Variants in TFAP2E observed in about 807,000 individuals in gnomAD.
TFAP2E encodes the protein transcription factor AP-2 epsilon.
A neutral mutation model predicts 37.9 loss-of-function variants in TFAP2E; 30 were observed. That is an observed-to-expected ratio of 0.79 (90% confidence interval 0.59 to 1.07). The LOEUF (loss-of-function observed/expected upper bound fraction) is 1.07. TFAP2E is among the 50% of genes least tolerant of loss of function. TFAP2E has a pLI of 0.00. For synonymous variants in TFAP2E, 318 were observed against 295.8 expected, an observed-to-expected ratio of 1.08 and a Z score of -0.77; for missense variants, 567 against 637.9, an observed-to-expected ratio of 0.89 and a Z score of 1.20.
chr1:35,574,819 C>T (rs1489682040), intron 2 of TFAP2E, 130 bp from the exon 3 acceptor site: 1 of 1,225,414 alleles, frequency 8.2e-7, no homozygotes, highest in Non-Finnish European at 1.2e-6. Flanking sequence ...CTGGGCCTGC[C>T]CGTCGCCGCC....
chr1:35,574,313 G>A lies in TFAP2E; in HGVS notation c.414G>A (p.Arg138=). The part of the protein sequence containing the change: ...PRRDYATAVP[R]LLHGLADGAH... ...GTGACTATGCCACTGCCGTGCCCCG[G>A]CTCCTGCACGGCCTGGCCGACGGCG... Residue 138 remains arginine (R), a synonymous_variant, in exon 2 of 7, where the codon CGG becomes CGA. Transcript: ENST00000373235. 6.9e-7 allele frequency: 1 copy of A among 1,456,062 alleles called. No individual in the cohort carries two copies. The highest frequency in any genetic ancestry group is 1.3e-5 in the South Asian group (1 of 76,640). 90.2% of individuals were successfully genotyped at this position (1,456,062 alleles called of 1,614,324 possible). A position where few individuals can be genotyped will look rare whatever the true frequency, so the allele number is the denominator to read the frequency against.
chr1:35,589,833 C>A, intron 4 of TFAP2E, 97 bp from the exon 5 acceptor site: 2 of 1,246,736 alleles, frequency 1.6e-6, no homozygotes, highest in Non-Finnish European at 2.3e-6. Context: ...TCAACAGGGG[C>A]TGGTGGAGGC....
intron 3 of TFAP2E, among the ~76,000 whole-genome samples, chr1:35,582,638 CT>C (rs879739254): frequency 2.0e-3 from 275 of 139,368 alleles, no homozygotes; most frequent in Admixed American, 1.7e-3. Flanking sequence ...CAACTGCTCT[CT>C]TTTTTTTTTT....
intron 3 of TFAP2E, among the ~76,000 whole-genome samples, chr1:35,576,697 C>G (rs993574420): frequency 6.6e-6 from 1 of 152,216 alleles, no homozygotes; most frequent in African/African-American, 2.4e-5. Flanking sequence ...GAAGCCGAGA[C>G]AGGAGACTGG....
At chr1:35,583,269 C>A (rs182715345) in intron 3 of TFAP2E, among the ~76,000 whole-genome samples, 1 of 152,008 alleles carries the variant, frequency 6.6e-6, no homozygotes, top group Non-Finnish European at 1.5e-5. Flanking sequence ...CCTGAGGTCA[C>A]GAAGATTTTT....
Position 35,575,003 on chromosome 1 carries a change from A to G in TFAP2E, c.562+3A>G. 1.2e-6 allele frequency: 2 copies of G among 1,613,910 alleles called. No homozygotes were observed. The highest frequency in any genetic ancestry group is 2.2e-5 in the South Asian group (2 of 91,088). ...AGACCAGTCCGTGATCAAGAAAGGT[A>G]AGGAATGGTCTGTCAGGGCAGAGCC... On this transcript the variant is annotated splice_donor_region_variant and intron_variant, in intron 3 of 6. Transcript: ENST00000373235.
At chr1:35,589,290 G>C (rs1374222964) in intron 4 of TFAP2E, among the ~76,000 whole-genome samples, 3 of 151,026 alleles carry the variant, frequency 2.0e-5, no homozygotes, top group African/African-American at 7.3e-5. Context: ...CTGTGCCACT[G>C]TGTGGGAGTG....
Position 35,590,903 on chromosome 1 carries a change from A to C in TFAP2E, c.1046+128A>C. 2 of 1,117,400 alleles carry C rather than the reference A, an allele frequency of 1.8e-6. No homozygotes were observed. Among genetic ancestry groups the C allele is most frequent in the Non-Finnish European group, 2.3e-6 (2 of 865,336 alleles). 69.2% of individuals were successfully genotyped at this position (1,117,400 alleles called of 1,614,324 possible). On this transcript the variant is annotated intron_variant, in intron 6 of 6. Coordinates refer to ENST00000373235, the MANE Select transcript of TFAP2E (RefSeq NM_178548.4). The surrounding 1 kb of genome is among the most constrained non-coding windows in gnomAD (Gnocchi z 6.2). Reference sequence around the variant, plus strand: ...CATGCGTATTTGCGCACCACTGTGTACACGAGCAGTGGGCACACACACATA... The same window carrying C: ...CATGCGTATTTGCGCACCACTGTGTCCACGAGCAGTGGGCACACACACATA...
Position 35,573,479 on chromosome 1 carries a change from C to A in TFAP2E, c.-99C>A. 1 of 1,376,652 alleles carries A rather than the reference C, an allele frequency of 7.3e-7. No individual in the cohort carries two copies. The highest frequency in any genetic ancestry group is 2.7e-4 in the Middle Eastern group (1 of 3,656). 85.3% of individuals were successfully genotyped at this position (1,376,652 alleles called of 1,614,324 possible). ...GCACCCAGCTACCGCACCGTGACCTCCGCGGGCTGTGCCGGCTCCCGGCGC... is the reference window on the plus strand; with the variant it reads ...GCACCCAGCTACCGCACCGTGACCTACGCGGGCTGTGCCGGCTCCCGGCGC... On this transcript the variant is annotated 5_prime_UTR_variant, in exon 1 of 7. Transcript: ENST00000373235. The surrounding 1 kb of genome is among the most constrained non-coding windows in gnomAD (Gnocchi z 5.9).
chr1:35,594,688 A>C lies in TFAP2E; in HGVS notation c.*12A>C, dbSNP rs1161742604. On this transcript the variant is annotated 3_prime_UTR_variant, in exon 7 of 7. Coordinates refer to ENST00000373235, the MANE Select transcript of TFAP2E (RefSeq NM_178548.4). ...AGCATCGGAAATAACTGCTTCTCCC[A>C]CCCCATCCCTAAGGGGCTCCCAGGC... 3 of 1,613,266 alleles carry C rather than the reference A, an allele frequency of 1.9e-6. No homozygotes were observed. The highest frequency in any genetic ancestry group is 1.7e-6 in the Non-Finnish European group (2 of 1,180,002).
At chr1:35,587,636 C>CAAAAAAAAAAA (rs553131997) in intron 3 of TFAP2E, among the ~76,000 whole-genome samples, 3 of 51,332 alleles carry the variant, frequency 5.8e-5, no homozygotes, top group Non-Finnish European at 8.5e-5. Flanking sequence ...GACTCCATCT[C>CAAAAAAAAAAA]AAAAAAAAAA....
Position 35,577,483 on chromosome 1 carries a change from C to A in TFAP2E, c.562+2483C>A, listed in dbSNP as rs61741127. 2,596 of 456,434 alleles carry A rather than the reference C, an allele frequency of 5.7e-3. 60 individuals are homozygous for A. The highest frequency in any genetic ancestry group is 0.043 in the African/African-American group (2,176 of 50,214). The allele number at this position is 456,434 out of a possible 1,614,324, so 28.3% of individuals were successfully genotyped here. A position where few individuals can be genotyped will look rare whatever the true frequency, so the allele number is the denominator to read the frequency against. ...CCGAGTGCGGTACTGGAGCCTGCCC[C>A]GCCAGGGCCCTGGAATCAGAGAAAG... On this transcript the variant is annotated intron_variant, in intron 3 of 6. Coordinates refer to ENST00000373235, the MANE Select transcript of TFAP2E (RefSeq NM_178548.4). This position sits in a 1 kb window ranked among gnomAD's most constrained non-coding sequence, Gnocchi z 6.3.
At chr1:35,575,038 G>A (rs1571095628) in intron 3 of TFAP2E, 38 bp downstream of exon 3, 4 of 1,612,934 alleles carry the variant, frequency 2.5e-6, no homozygotes, top group African/African-American at 1.3e-5. Context: ...CCGGCGAGAT[G>A]GTGCAGGCCC....
chr1:35,573,735 G>T lies in TFAP2E; in HGVS notation c.27+131G>T. The T allele has an allele frequency of 7.0e-7, 1 of 1,429,208 alleles. No homozygotes were observed. The highest frequency in any genetic ancestry group is 1.4e-5 in the South Asian group (1 of 70,702). 88.5% of individuals were successfully genotyped at this position (1,429,208 alleles called of 1,614,324 possible). A position where few individuals can be genotyped will look rare whatever the true frequency, so the allele number is the denominator to read the frequency against. ...GGGCCGCAGGGACTTCGCCAGCTGA[G>T]AACGCGATGCGCAAGTGACCGCTGT... On this transcript the variant is annotated intron_variant, in intron 1 of 6. Transcript: ENST00000373235. This position sits in a 1 kb window ranked among gnomAD's most constrained non-coding sequence, Gnocchi z 5.9.
Position 35,573,364 on chromosome 1 carries a change from C to T in TFAP2E, c.-214C>T, listed in dbSNP as rs1168573392. 4.0e-6 allele frequency: 2 copies of T among 501,006 alleles called. No homozygotes were observed. Among genetic ancestry groups the T allele is most frequent in the East Asian group, 3.6e-5 (1 of 27,770 alleles). The allele number at this position is 501,006 out of a possible 1,614,324, so 31.0% of individuals were successfully genotyped here. On this transcript the variant is annotated 5_prime_UTR_variant, in exon 1 of 7. Transcript: ENST00000373235. This position sits in a 1 kb window ranked among gnomAD's most constrained non-coding sequence, Gnocchi z 5.9. ...ACCCGTTGACCGACTTTTCCAAGTGCGATCAGTGCCCGTCCGTCCTGCCTC... is the reference window on the plus strand; with the variant it reads ...ACCCGTTGACCGACTTTTCCAAGTGTGATCAGTGCCCGTCCGTCCTGCCTC...
In TFAP2E at chr1:35,579,396, C is replaced by CAA. The variant is rs879878085; in HGVS notation, c.562+4409_562+4410dup. On this transcript the variant is annotated intron_variant, in intron 3 of 6. Transcript: ENST00000373235. Reference sequence around the variant, plus strand: ...GGACAACAACAGCAAAACTCTGTCTCAAAAAAAAAAAAAATCTTTTTTTTC... The same window carrying CAA: ...GGACAACAACAGCAAAACTCTGTCTCAAAAAAAAAAAAAAAATCTTTTTTTTC... Among the ~76,000 whole-genome samples the CAA allele has an allele frequency of 4.6e-4, 64 of 139,678 alleles. 1 individual carries two copies. Among genetic ancestry groups the CAA allele is most frequent in the African/African-American group, 1.5e-3 (59 of 38,324 alleles). 91.6% of individuals were successfully genotyped at this position (139,678 alleles called of 152,430 possible).
rs1649619023 is a variant in TFAP2E at position 35,590,250 on chromosome 1, A to T, written c.904+202A>T. ...GTAGTCCTTGTACATGTGTGCATGC[A>T]TGTGCAATGGAGACCTACTTGCAGT... On this transcript the variant is annotated intron_variant, in intron 5 of 6. Coordinates refer to ENST00000373235, the MANE Select transcript of TFAP2E (RefSeq NM_178548.4). The surrounding 1 kb of genome is among the most constrained non-coding windows in gnomAD (Gnocchi z 6.2). Among the ~76,000 whole-genome samples the T allele has an allele frequency of 6.6e-6, 1 of 152,102 alleles. No homozygotes were observed. Among genetic ancestry groups the T allele is most frequent in the Non-Finnish European group, 1.5e-5 (1 of 68,022 alleles).
intron 3 of TFAP2E, among the ~76,000 whole-genome samples, chr1:35,584,098 G>T (rs1649419641): frequency 6.6e-6 from 1 of 152,102 alleles, no homozygotes; most frequent in South Asian, 2.1e-4. Flanking sequence ...CTTGTATACA[G>T]TCATCCTTTT....
rs115984747 is a variant in TFAP2E at position 35,588,579 on chromosome 1, G to T, written c.785+27G>T. The T allele has an allele frequency of 2.6e-6, 4 of 1,544,262 alleles. No homozygotes were observed. The highest frequency in any genetic ancestry group is 2.3e-5 in the East Asian group (1 of 44,124). On this transcript the variant is annotated intron_variant, in intron 4 of 6. Coordinates refer to ENST00000373235, the MANE Select transcript of TFAP2E (RefSeq NM_178548.4). The surrounding 1 kb of genome is among the most constrained non-coding windows in gnomAD (Gnocchi z 5.1). ...TAGGAAGGCCAGCCCACAATTCCCC[G>T]CCTGATTGGATCCCTGGCCTCTTCA...
Sources: gnomAD v4.1 joint callset for allele counts (sites outside exome capture counted in the v4.1 genomes callset) on GRCh38, gnomAD v4.1.1 for gene constraint, Gnocchi (gnomAD v3.1) non-coding constraint, MANE v1.5 for transcripts, NCBI Gene and HGNC (gene_info 2026-07-23, HGNC 2026-07-21) for gene names.